Variants in FAM219B observed in about 807,000 individuals in gnomAD.
FAM219B encodes the protein protein FAM219B.
In FAM219B, 18 loss-of-function variants were observed where a neutral mutation model predicts 19.9. The ratio of observed to expected loss-of-function variants is 0.91; its 90% CI spans 0.63 to 1.34. The LOEUF is 1.34. Ranked by LOEUF, FAM219B falls within the 40% of genes most tolerant of loss-of-function variation. The pLI is 0.00. For synonymous variants in FAM219B, 123 were observed against 117.5 expected (o/e 1.05, Z -0.30); for missense variants, 283 against 270.5 (o/e 1.05, Z -0.32).
Position 74,906,684 on chromosome 15 carries a change from A to G in FAM219B, c.117T>C (p.Gly39=), listed in dbSNP as rs2065211306. The G allele has an allele frequency of 6.8e-7, 1 of 1,481,112 alleles. No homozygotes were observed. The highest frequency in any genetic ancestry group is 2.5e-5 in the East Asian group (1 of 39,570). The allele number at this position is 1,481,112 out of a possible 1,614,324, so 91.7% of individuals were successfully genotyped here. A position where few individuals can be genotyped will look rare whatever the true frequency, so the allele number is the denominator to read the frequency against. ...GCTCCCCCAGACGGAGGGCTCTATTACCGATCTGCCCGGAGGGTGGCCCCG... is the reference window on the plus strand; with the variant it reads ...GCTCCCCCAGACGGAGGGCTCTATTGCCGATCTGCCCGGAGGGTGGCCCCG... ...GAAGPPSGQI[G]NRALRLGERT... is the part of the protein sequence containing the mutation. Residue 39 remains glycine, a synonymous_variant, in exon 1 of 5, where the codon GGT becomes GGC. Coordinates refer to ENST00000357635, the MANE Select transcript of FAM219B (RefSeq NM_020447.5).
chr15:74,904,876 A>G (rs1005873328), intron 3 of FAM219B, 164 bp from the exon 4 acceptor site: 10 of 1,426,094 alleles, frequency 7.0e-6, no homozygotes, highest in Middle Eastern at 1.8e-4. Context: ...GGTTCCCTCA[A>G]TTGGTTCTGG....
chr15:74,903,833 T>C (rs1284055735), intron 4 of FAM219B, among the ~76,000 whole-genome samples: 2 of 152,114 alleles, frequency 1.3e-5, no homozygotes, highest in Non-Finnish European at 2.9e-5. Flanking sequence ...TCAAAGGGAA[T>C]GGGCTTCACT....
intron 2 of FAM219B, 30 bp downstream of exon 2, chr15:74,906,248 T>C: frequency 6.2e-7 from 1 of 1,609,120 alleles, no homozygotes. Context: ...CTAAAGCTGC[T>C]GGCACAGAGG....
chr15:74,904,446 C>G (rs776548826), intron 4 of FAM219B, among the ~76,000 whole-genome samples: 5 of 152,206 alleles, frequency 3.3e-5, no homozygotes, highest in Non-Finnish European at 5.9e-5. Context: ...CTTCTGAGAT[C>G]ATTTCTAGCC....
At chr15:74,902,962 GC>G (rs2065025353) in intron 4 of FAM219B, among the ~76,000 whole-genome samples, 176 bp from the exon 5 acceptor site, 1 of 152,280 alleles carries the variant, frequency 6.6e-6, no homozygotes, top group South Asian at 2.1e-4. Context: ...TTGTGCCTCA[GC>G]CAGCAGTAAG....
In FAM219B at chr15:74,906,661, TC is replaced by T; in HGVS notation, c.139del (p.Glu47SerfsTer15). 3 of 1,505,156 alleles carry T rather than the reference TC, an allele frequency of 2.0e-6. No homozygotes were observed. The highest frequency in any genetic ancestry group is 2.4e-5 in the Admixed American group (1 of 42,240). 93.2% of individuals were successfully genotyped at this position (1,505,156 alleles called of 1,614,324 possible). A position where few individuals can be genotyped will look rare whatever the true frequency, so the allele number is the denominator to read the frequency against. ...QIGNRALRLG[E>X]RTPAAVEKRG... The stretch of plus-strand genomic sequence containing the variant: ...CTTTTCCACGGCCGCGGGGGTGCGC[TC>T]CCCCAGACGGAGGGCTCTATTACCG... On this transcript the variant is annotated frameshift_variant, in exon 1 of 5. Coordinates refer to ENST00000357635, the MANE Select transcript of FAM219B (RefSeq NM_020447.5). LOFTEE classifies it high-confidence loss of function.
rs115039235 is a variant in FAM219B, at chr15:74,902,230, C to T, written c.*389G>A. The T allele has an allele frequency of 1.6e-3, 651 of 398,806 alleles. 6 individuals are homozygous for T. Among genetic ancestry groups the T allele is most frequent in the African/African-American group, 0.012 (603 of 48,760 alleles). 24.7% of individuals were successfully genotyped at this position (398,806 alleles called of 1,614,324 possible). A position where few individuals can be genotyped will look rare whatever the true frequency, so the allele number is the denominator to read the frequency against. On this transcript the variant is annotated 3_prime_UTR_variant, in exon 5 of 5. Coordinates refer to ENST00000357635, the MANE Select transcript of FAM219B (RefSeq NM_020447.5). Reference sequence around the variant, plus strand: ...AACCATAAAGTGCTATTTTCTGCCTCCATTCAACACTATCTAGCACAGCCT... The same window carrying T: ...AACCATAAAGTGCTATTTTCTGCCTTCATTCAACACTATCTAGCACAGCCT...
rs1456437841 is a variant in FAM219B at position 74,902,595 on chromosome 15, AG to A, written c.*23del. ...GGGCTCTGTAGGCCTCATGGTGAGC[AG>A]GGCCCACCTTGGAGGGTAATGTCTA... On this transcript the variant is annotated 3_prime_UTR_variant, in exon 5 of 5. Coordinates refer to ENST00000357635, the MANE Select transcript of FAM219B (RefSeq NM_020447.5). The A allele has an allele frequency of 1.3e-6, 2 of 1,578,790 alleles. No individual in the cohort carries two copies. The highest frequency in any genetic ancestry group is 3.5e-5 in the Admixed American group (2 of 56,814).
Position 74,902,694 on chromosome 15 carries a change from A to C in FAM219B, c.522T>G (p.Pro174=), listed in dbSNP as rs1358986198. 9 of 1,613,114 alleles carry C rather than the reference A, an allele frequency of 5.6e-6. No homozygotes were observed. Among genetic ancestry groups the C allele is most frequent in the Non-Finnish European group, 6.8e-6 (8 of 1,179,612 alleles). ...PDDEDLDLIP[P]KPMASSTCSC... ...AGCATGTTGAAGAGGCCATGGGCTT[A>C]GGGGGGATGAGGTCCAAGTCCTCGT... The change falls in exon 5 of 5, where the codon CCT becomes CCG. Residue 174 remains proline (P), a synonymous_variant. Coordinates refer to ENST00000357635, the MANE Select transcript of FAM219B (RefSeq NM_020447.5).
At chr15:74,903,815 C>T (rs990735595) in intron 4 of FAM219B, among the ~76,000 whole-genome samples, 3 of 152,078 alleles carry the variant, frequency 2.0e-5, no homozygotes, top group Non-Finnish European at 1.5e-5. Context: ...CCCAGCACTT[C>T]ACCTCTGTCA....
chr15:74,906,816 T>C lies in FAM219B; in HGVS notation c.-16A>G. ...CGGTCGCCATGGCCGGGCCCCGCCC[T>C]GCCGGATGGTGCAACCCCGCCCGTG... is the stretch of plus-strand genomic sequence containing the variant. On this transcript the variant is annotated 5_prime_UTR_variant, in exon 1 of 5. Transcript: ENST00000357635. 7.8e-7 allele frequency: 1 copy of C among 1,274,390 alleles called. No individual in the cohort carries two copies. Among genetic ancestry groups the C allele is most frequent in the Non-Finnish European group, 9.9e-7 (1 of 1,013,082 alleles). 78.9% of individuals were successfully genotyped at this position (1,274,390 alleles called of 1,614,324 possible). A position where few individuals can be genotyped will look rare whatever the true frequency, so the allele number is the denominator to read the frequency against.
chr15:74,906,275 G>C lies in FAM219B; in HGVS notation c.302+3C>G, dbSNP rs753011700. On this transcript the variant is annotated splice_donor_region_variant and intron_variant, in intron 2 of 4. Coordinates refer to ENST00000357635, the MANE Select transcript of FAM219B (RefSeq NM_020447.5). ...GCACAGAGGAGGTGGCGCCTGCTGAGACCTTTTCCCTGAAGAGTCTGGGCG... is the reference window on the plus strand; with the variant it reads ...GCACAGAGGAGGTGGCGCCTGCTGACACCTTTTCCCTGAAGAGTCTGGGCG... 2.0e-5 allele frequency: 32 copies of C among 1,613,106 alleles called. No homozygotes were observed. Among genetic ancestry groups the C allele is most frequent in the Non-Finnish European group, 2.6e-5 (31 of 1,179,828 alleles).
chr15:74,903,785 A>G (rs2065074108), intron 4 of FAM219B, among the ~76,000 whole-genome samples: 1 of 152,134 alleles, frequency 6.6e-6, no homozygotes, highest in Non-Finnish European at 1.5e-5. Flanking sequence ...TAAGAAAAGC[A>G]AGTGGTGTAG....
chr15:74,902,764 C>T lies in FAM219B; in HGVS notation c.452G>A (p.Arg151Gln), dbSNP rs377422720. 27 of 1,610,132 alleles carry T rather than the reference C, an allele frequency of 1.7e-5. No individual in the cohort carries two copies. Among genetic ancestry groups the T allele is most frequent in the Middle Eastern group, 1.6e-4 (1 of 6,076 alleles). The part of the protein sequence containing the change: ...SAEQVNQDVS[R>Q]QLLQDGYHLD... ...GTGATACCCATCCTGAAGCAGCTGC[C>T]GGCTCACATCCTGGTTCACCTGCTA... Residue 151 changes from arginine (R) to glutamine (Q), a missense_variant, in exon 5 of 5, where the codon CGG (arginine) becomes CAG (glutamine). By Grantham distance (43) the Arg-to-Gln change is conservative (BLOSUM62 1). Coordinates refer to ENST00000357635, the MANE Select transcript of FAM219B (RefSeq NM_020447.5).
intron 4 of FAM219B, among the ~76,000 whole-genome samples, chr15:74,903,739 C>T (rs1477944790): frequency 1.3e-5 from 2 of 151,568 alleles, no homozygotes; most frequent in East Asian, 1.9e-4. Flanking sequence ...TTCTCTGTGA[C>T]AGAAACTCAG....
rs778050522 is a variant in FAM219B at position 74,902,833 on chromosome 15, A to G, written c.430-47T>C. 5 of 1,564,450 alleles carry G rather than the reference A, an allele frequency of 3.2e-6. No homozygotes were observed. In the South Asian group the frequency reaches 6.1e-5, roughly 19 times the overall value. On this transcript the variant is annotated intron_variant, in intron 4 of 4. Coordinates refer to ENST00000357635, the MANE Select transcript of FAM219B (RefSeq NM_020447.5). ...ACTATAGGCCAAGATGCAAAGCAGA[A>G]GTAACTGCTACCCAAAAGACAGAAC...
rs2141223200 is a variant in FAM219B at position 74,901,396 on chromosome 15, G to A, written c.*1223C>T. 1 of 152,294 alleles carries A rather than the reference G, an allele frequency of 6.6e-6. No individual in the cohort carries two copies. Among genetic ancestry groups the A allele is most frequent in the South Asian group, 2.1e-4 (1 of 4,820 alleles). The allele number at this position is 152,294 out of a possible 1,614,324, so 9.4% of individuals were successfully genotyped here. On this transcript the variant is annotated 3_prime_UTR_variant, in exon 5 of 5. Coordinates refer to ENST00000357635, the MANE Select transcript of FAM219B (RefSeq NM_020447.5). ...ATATACTCTCCAATTTGTGGGTAGGGGGTGTCACAGCAGAAATTATGCCTA... is the reference window on the plus strand; with the variant it reads ...ATATACTCTCCAATTTGTGGGTAGGAGGTGTCACAGCAGAAATTATGCCTA...
At chr15:74,905,327 G>C in intron 2 of FAM219B, 96 bp from the exon 3 acceptor site, 1 of 1,217,298 alleles carries the variant, frequency 8.2e-7, no homozygotes, top group Non-Finnish European at 1.2e-6. Flanking sequence ...AGAAAGAATT[G>C]ACTGCACTAC....
At chr15:74,906,255 G>C in intron 2 of FAM219B, 23 bp downstream of exon 2, 2 of 1,610,846 alleles carry the variant, frequency 1.2e-6, no homozygotes, top group Non-Finnish European at 1.7e-6. Context: ...TGCTGGCACA[G>C]AGGAGGTGGC....
Sources: gnomAD v4.1 joint callset for allele counts (sites outside exome capture counted in the v4.1 genomes callset) on GRCh38, gnomAD v4.1.1 for gene constraint, MANE v1.5 for transcripts, NCBI Gene and HGNC (gene_info 2026-07-23, HGNC 2026-07-21) for gene names.